BAZ1B: variants seen among roughly 807,000 people sequenced by gnomAD.
BAZ1B encodes bromodomain adjacent to zinc finger domain 1B.
BAZ1B carries 22 observed loss-of-function variants against 153.8 expected under a neutral mutation model. The observed-to-expected ratio is 0.14, with a 90% CI of 0.10 to 0.20. The LOEUF (loss-of-function observed/expected upper bound fraction) is 0.20, where lower values mean the gene tolerates loss of function less well. Ranked by LOEUF, BAZ1B falls within the 10% of genes least tolerant of loss-of-function variation. The pLI is 1.00. For synonymous variants in BAZ1B, 676 were observed against 633.4 expected, an observed-to-expected ratio of 1.07 and a Z score of -1.01; for missense variants, 1,325 against 1,799.3, an observed-to-expected ratio of 0.74 and a Z score of 4.77.
At chr7:73,481,902 G>C (rs943635727) in intron 6 of BAZ1B, among the ~76,000 whole-genome samples, 1 of 152,236 alleles carries the variant, frequency 6.6e-6, no homozygotes. Flanking sequence ...AGCCTGGCGC[G>C]GTGGCGGGCG....
intron 1 of BAZ1B, among the ~76,000 whole-genome samples, chr7:73,512,660 T>C (rs1186656599): frequency 2.0e-5 from 3 of 152,202 alleles, no homozygotes; most frequent in Non-Finnish European, 4.4e-5. Context: ...GGCAAGTAAC[T>C]AATTTACTTT....
rs1302887324 is a variant in BAZ1B, at chr7:73,502,063, G to GT, written c.370-3366dup. On this transcript the variant is annotated intron_variant, in intron 3 of 19. Transcript: ENST00000339594. The stretch of plus-strand genomic sequence containing the variant: ...GCGCCACCATGCCTGGCTAATTTTT[G>GT]TATTTTTAGTAGAGACAGGGTTTCA... Among the ~76,000 whole-genome samples, 6 of 151,724 alleles carry GT rather than the reference G, an allele frequency of 4.0e-5. No individual in the cohort carries two copies. In the East Asian group the frequency reaches 1.2e-3, roughly 29 times the overall value.
intron 3 of BAZ1B, among the ~76,000 whole-genome samples, chr7:73,505,603 A>G (rs1790305680): frequency 2.6e-5 from 4 of 151,744 alleles, no homozygotes. Flanking sequence ...CATGATGGAG[A>G]AGCAAATTAA....
intron 2 of BAZ1B, among the ~76,000 whole-genome samples, chr7:73,510,274 A>G (rs1554578389): frequency 6.6e-6 from 1 of 151,146 alleles, no homozygotes; most frequent in African/African-American, 2.4e-5. Flanking sequence ...CTAAAACTAC[A>G]AAAAATTATC....
At chr7:73,453,523 A>G (rs1788088126) in intron 13 of BAZ1B, among the ~76,000 whole-genome samples, 1 of 152,280 alleles carries the variant, frequency 6.6e-6, no homozygotes, top group African/African-American at 2.4e-5. Context: ...GACAGATCAC[A>G]TCAAGAAAGA....
chr7:73,515,004 G>T (rs782558264), intron 1 of BAZ1B, among the ~76,000 whole-genome samples: 1 of 152,014 alleles, frequency 6.6e-6, no homozygotes, highest in African/African-American at 2.4e-5. Flanking sequence ...TGAGGAAGGC[G>T]GAGGTTGCAG....
In BAZ1B at chr7:73,450,818, C is replaced by T. The variant is rs782344823; in HGVS notation, c.3580+29G>A. 2.3e-5 allele frequency: 37 copies of T among 1,610,066 alleles called. 1 individual carries two copies. In the Admixed American group the frequency reaches 4.5e-4, roughly 20 times the overall value. ...ATAGAAATCCTACTCCCTAATATAC[C>T]CACATAAGCAAATTTGATTTAAATA... On this transcript the variant is annotated intron_variant, in intron 14 of 19. Coordinates refer to ENST00000339594, the MANE Select transcript of BAZ1B (RefSeq NM_032408.4). This position sits in a 1 kb window ranked among gnomAD's most constrained non-coding sequence, Gnocchi z 4.1.
Position 73,463,113 on chromosome 7 carries a change from G to C in BAZ1B, c.3072-14C>G, listed in dbSNP as rs1788453702. On this transcript the variant is annotated splice_polypyrimidine_tract_variant and intron_variant, in intron 11 of 19. Coordinates refer to ENST00000339594, the MANE Select transcript of BAZ1B (RefSeq NM_032408.4). ...ATGTCCTGGTACCTAGAAGATTTGG[G>C]ACAAGAGAATGGGGAAAGAAACAAA... 6.3e-7 allele frequency: 1 copy of C among 1,585,394 alleles called. No individual in the cohort carries two copies. Among genetic ancestry groups the C allele is most frequent in the African/African-American group, 1.4e-5 (1 of 73,398 alleles).
intron 3 of BAZ1B, among the ~76,000 whole-genome samples, chr7:73,506,524 A>T (rs1790348813): frequency 6.7e-6 from 1 of 149,848 alleles, no homozygotes; most frequent in Non-Finnish European, 1.5e-5. Flanking sequence ...TTTAAGTAGA[A>T]AAAGTCCAAC....
chr7:73,454,816 C>T (rs1021305048), intron 13 of BAZ1B, among the ~76,000 whole-genome samples: 4 of 152,114 alleles, frequency 2.6e-5, no homozygotes, highest in African/African-American at 7.2e-5. Flanking sequence ...CGTCCCCTGC[C>T]GGTCTCTCAC....
At chr7:73,446,815 T>C (rs1554566774) in intron 16 of BAZ1B, among the ~76,000 whole-genome samples, 2 of 152,204 alleles carry the variant, frequency 1.3e-5, no homozygotes, top group African/African-American at 4.8e-5. Flanking sequence ...AGCAAAGCTA[T>C]AACCCTGCAC....
chr7:73,483,773 C>A (rs1554574077), intron 6 of BAZ1B, among the ~76,000 whole-genome samples: 2 of 152,032 alleles, frequency 1.3e-5, no homozygotes. Flanking sequence ...TCCAAAGTAG[C>A]TTGGACTAGA....
chr7:73,514,241 T>C (rs782574098), intron 1 of BAZ1B, among the ~76,000 whole-genome samples: 1 of 151,700 alleles, frequency 6.6e-6, no homozygotes, highest in Non-Finnish European at 1.5e-5. Context: ...CAAAAAAAAG[T>C]AGGGGCCGGC....
chr7:73,479,064 A>G (rs1049976722), intron 6 of BAZ1B, among the ~76,000 whole-genome samples: 2 of 150,714 alleles, frequency 1.3e-5, no homozygotes, highest in African/African-American at 5.0e-5. Flanking sequence ...AGTAGAAATG[A>G]TACTGTTTAA....
At chr7:73,493,912 A>G (rs915437271) in intron 4 of BAZ1B, among the ~76,000 whole-genome samples, 7 of 152,116 alleles carry the variant, frequency 4.6e-5, no homozygotes, top group Non-Finnish European at 1.0e-4. Flanking sequence ...TGCAAGCAAT[A>G]AGGTGTGGTT....
At position 73,459,526 on chromosome 7, in the gene BAZ1B, A is replaced by G; in HGVS notation, c.3432+10T>C. ...GGAATCATAAACTACAACTTATAAC[A>G]ACAAAATACCTTTGCTTCCTCTACC... is the stretch of plus-strand genomic sequence containing the variant. On this transcript the variant is annotated intron_variant, in intron 13 of 19. Coordinates refer to ENST00000339594, the MANE Select transcript of BAZ1B (RefSeq NM_032408.4). 1 of 1,609,722 alleles carries G rather than the reference A, an allele frequency of 6.2e-7. No individual in the cohort carries two copies. The highest frequency in any genetic ancestry group is 8.5e-7 in the Non-Finnish European group (1 of 1,178,738).
chr7:73,509,670 C>T (rs781816539), intron 2 of BAZ1B, among the ~76,000 whole-genome samples: 1 of 151,986 alleles, frequency 6.6e-6, no homozygotes, highest in Non-Finnish European at 1.5e-5. Context: ...TACCACTGCA[C>T]TCCACCCTGG....
At position 73,478,493 on chromosome 7, in the gene BAZ1B, G is replaced by T; in HGVS notation, c.968C>A (p.Thr323Lys). Residue 323 changes from threonine to lysine, a missense_variant, in exon 7 of 20, where the codon ACA (threonine) becomes AAA (lysine). By Grantham distance (78) the Thr-to-Lys change is moderately conservative. This residue lies in a region of BAZ1B where 219 missense variants were observed against 248.2 expected (regional missense o/e 0.88). Transcript: ENST00000339594. Reference sequence around the variant, plus strand: ...TGGTGAACTAAGAGAAGAGTTGTCTGTCTTGGATTTCTTTGAGGGCTTCCT... The same window carrying T: ...TGGTGAACTAAGAGAAGAGTTGTCTTTCTTGGATTTCTTTGAGGGCTTCCT... The part of the protein sequence containing the change: ...PDRKPSKKSK[T>K]DNSSLSSPLN... 1 of 1,603,646 alleles carries T rather than the reference G, an allele frequency of 6.2e-7. No homozygotes were observed. The highest frequency in any genetic ancestry group is 1.3e-5 in the African/African-American group (1 of 74,442).
At chr7:73,463,684 T>C (rs898139101) in intron 11 of BAZ1B, among the ~76,000 whole-genome samples, 2 of 152,134 alleles carry the variant, frequency 1.3e-5, no homozygotes, top group African/African-American at 4.8e-5. Flanking sequence ...TGTGGCTCTG[T>C]ATACCGACAT....
Sources: allele counts gnomAD v4.1 joint callset (sites outside exome capture counted in the v4.1 genomes callset), GRCh38; gene constraint gnomAD v4.1.1; regional missense constraint gnomAD v4.1.1; non-coding constraint Gnocchi (gnomAD v3.1); transcripts MANE v1.5; gene names NCBI Gene and HGNC (gene_info 2026-07-23, HGNC 2026-07-21).